The following MYPN variants were observed in gnomAD, a reference collection of about 807,000 sequenced individuals.
The protein encoded by MYPN is sarcomeric protein myopalladin, 145 kDa (MYOP).
Under a neutral mutation model 129.4 loss-of-function variants are expected in MYPN, and 63 were observed. The observed-to-expected ratio is 0.49, with a 90% CI of 0.40 to 0.60. The LOEUF is 0.60. Among genes scored for constraint, MYPN ranks in the 20% least tolerant of loss-of-function variants. The pLI is 0.00. For synonymous variants in MYPN, 629 were observed against 600.9 expected (o/e 1.05, Z -0.68); for missense variants, 1,596 against 1,635.4 (o/e 0.98, Z 0.42).
intron 12 of MYPN, among the ~76,000 whole-genome samples, chr10:68,182,118 T>C (rs189428606): frequency 6.6e-6 from 1 of 151,504 alleles, no homozygotes; most frequent in East Asian, 1.9e-4. Flanking sequence ...AGTCACTTGT[T>C]TTCTGATATC....
At chr10:68,209,029 A>G (rs2043862875) in intron 19 of MYPN, among the ~76,000 whole-genome samples, 2 of 152,192 alleles carry the variant, frequency 1.3e-5, no homozygotes, top group African/African-American at 4.8e-5. Context: ...GAATTCACTC[A>G]GAGGTATGTA....
chr10:68,090,092 G>A (rs984122798), intron 1 of MYPN, among the ~76,000 whole-genome samples: 5 of 151,998 alleles, frequency 3.3e-5, no homozygotes, highest in African/African-American at 4.8e-5. Context: ...ACGTCTACTC[G>A]TGTTATAAAA....
At chr10:68,208,223 A>G (rs918500039) in intron 19 of MYPN, among the ~76,000 whole-genome samples, 5 of 152,174 alleles carry the variant, frequency 3.3e-5, no homozygotes, top group Non-Finnish European at 5.9e-5. Context: ...GCTTAACCTA[A>G]TTAGCCAAAA....
chr10:68,121,380 T>C (rs544625337), intron 1 of MYPN, 58 bp from the exon 2 acceptor site: 9 of 1,494,090 alleles, frequency 6.0e-6, no homozygotes, highest in African/African-American at 5.6e-5. Context: ...ATAATAGACA[T>C]AGACTTGTTA....
chr10:68,163,406 C>T (rs2043007973), intron 8 of MYPN, among the ~76,000 whole-genome samples: 1 of 152,020 alleles, frequency 6.6e-6, no homozygotes, highest in Non-Finnish European at 1.5e-5. Context: ...GCGGGTGGAT[C>T]ATGAGGTCAG....
upstream of MYPN, among the ~76,000 whole-genome samples, chr10:68,101,229 G>A (rs2041980350): frequency 6.6e-6 from 1 of 152,136 alleles, no homozygotes; most frequent in Non-Finnish European, 1.5e-5. Context: ...AAGAAACACT[G>A]CAACAAGCAA....
intron 6 of MYPN, among the ~76,000 whole-genome samples, chr10:68,151,346 T>C (rs1450519810): frequency 2.6e-5 from 4 of 152,358 alleles, no homozygotes; most frequent in Admixed American, 1.3e-4. Flanking sequence ...AACATTCTTA[T>C]GTGAAACAAG....
At chr10:68,198,683 C>T (rs2043653101) in intron 16 of MYPN, among the ~76,000 whole-genome samples, 1 of 152,176 alleles carries the variant, frequency 6.6e-6, no homozygotes, top group Non-Finnish European at 1.5e-5. Context: ...AAACACCTCC[C>T]ACATGATTGT....
chr10:68,166,095 T>C lies in MYPN; in HGVS notation c.1601-199T>C, dbSNP rs1270990653. Among the ~76,000 whole-genome samples the C allele has an allele frequency of 2.0e-5, 3 of 152,212 alleles. No homozygotes were observed. In the East Asian group the frequency reaches 5.8e-4, roughly 29 times the overall value. ...ATTTCTTTCCAAAAGGGTACTTAGA[T>C]TTTAAATTTAGTTTTTTATTTTTAA... On this transcript the variant is annotated intron_variant, in intron 9 of 19. Coordinates refer to ENST00000358913, the MANE Select transcript of MYPN (RefSeq NM_032578.4).
In MYPN at chr10:68,211,637, T is replaced by C. The variant is rs1369362259; in HGVS notation, c.*1182T>C. ...TTTTAGACTTAAGTTCACTGTGATA[T>C]CCCTAGTACCTAGAAGAGTACCTAG... On this transcript the variant is annotated 3_prime_UTR_variant, in exon 20 of 20. Coordinates refer to ENST00000358913, the MANE Select transcript of MYPN (RefSeq NM_032578.4). 1 of 454,010 alleles carries C rather than the reference T, an allele frequency of 2.2e-6. No homozygotes were observed. The highest frequency in any genetic ancestry group is 2.0e-5 in the African/African-American group (1 of 50,010). 28.1% of individuals were successfully genotyped at this position (454,010 alleles called of 1,614,324 possible). A position where few individuals can be genotyped will look rare whatever the true frequency, so the allele number is the denominator to read the frequency against.
intron 15 of MYPN, 65 bp downstream of exon 15, chr10:68,195,597 C>A (rs1024382349): frequency 4.0e-6 from 5 of 1,257,354 alleles, no homozygotes; most frequent in Non-Finnish European, 5.8e-6. Context: ...ATCGTGAGCA[C>A]CAAAGTACTG....
chr10:68,187,936 A>G (rs1207150589), intron 12 of MYPN, among the ~76,000 whole-genome samples: 3 of 152,222 alleles, frequency 2.0e-5, no homozygotes, highest in South Asian at 2.1e-4. Context: ...ACCCTACAGT[A>G]GCAATCTCAG....
chr10:68,144,541 G>A (rs59176024), intron 3 of MYPN, among the ~76,000 whole-genome samples: 8,383 of 152,118 alleles, frequency 0.055, 546 homozygotes, highest in African/African-American at 0.16. Flanking sequence ...TCCAATAAAT[G>A]CCTCCAGATT....
chr10:68,109,377 C>T (rs1312792299), upstream of MYPN: 1 of 370,178 alleles, frequency 2.7e-6, no homozygotes, highest in Non-Finnish European at 5.4e-6. Flanking sequence ...CCCCCACCCC[C>T]ATAGGTGCTG....
chr10:68,148,011 C>T lies in MYPN; in HGVS notation c.1131-342C>T, dbSNP rs543141416. ...GAAATGGGAGGGGGAGGGAAAATAC[C>T]GAGGGTAACAACAAAACAAATCTCA... On this transcript the variant is annotated intron_variant, in intron 4 of 19. Transcript: ENST00000358913. 7.9e-5 allele frequency among the ~76,000 whole-genome samples: 12 copies of T among 152,090 alleles called. No individual in the cohort carries two copies. In the East Asian group the frequency reaches 2.1e-3, roughly 27 times the overall value.
intron 6 of MYPN, among the ~76,000 whole-genome samples, chr10:68,151,101 T>C (rs1049584517): frequency 6.6e-6 from 1 of 152,116 alleles, no homozygotes; most frequent in Non-Finnish European, 1.5e-5. Flanking sequence ...ATTGTCTAGC[T>C]CAAAATGTCA....
At chr10:68,182,789 T>A (rs2134236575) in intron 12 of MYPN, among the ~76,000 whole-genome samples, 1 of 152,278 alleles carries the variant, frequency 6.6e-6, no homozygotes, top group South Asian at 2.1e-4. Context: ...ATTATAGGCA[T>A]GAGCCACCAC....
rs1434826365 is a variant in MYPN, at chr10:68,210,881, C to T, written c.*426C>T. On this transcript the variant is annotated 3_prime_UTR_variant, in exon 20 of 20. Transcript: ENST00000358913. The stretch of plus-strand genomic sequence containing the variant: ...CACCAAACAATGCCAAGGAGAAAGG[C>T]GGACAGGTCACCATCACCTTTCATC... 1.8e-5 allele frequency: 8 copies of T among 455,700 alleles called. No homozygotes were observed. Among genetic ancestry groups the T allele is most frequent in the Non-Finnish European group, 3.1e-5 (7 of 227,772 alleles). The allele number at this position is 455,700 out of a possible 1,614,324, so 28.2% of individuals were successfully genotyped here. A position where few individuals can be genotyped will look rare whatever the true frequency, so the allele number is the denominator to read the frequency against.
intron 2 of MYPN, among the ~76,000 whole-genome samples, chr10:68,130,021 A>C (rs1438999451): frequency 6.6e-6 from 1 of 152,044 alleles, no homozygotes; most frequent in Non-Finnish European, 1.5e-5. Flanking sequence ...TTTAATTTTC[A>C]TTTCCGCAGT....
Sources: allele counts gnomAD v4.1 joint callset (sites outside exome capture counted in the v4.1 genomes callset), GRCh38; gene constraint gnomAD v4.1.1; transcripts MANE v1.5; gene names NCBI Gene and HGNC (gene_info 2026-07-23, HGNC 2026-07-21).